ARHGAP32: variants seen among roughly 807,000 people sequenced by gnomAD.
The protein encoded by ARHGAP32 is Rho GTPase activating protein 32.
Under a neutral mutation model 186.5 loss-of-function variants are expected in ARHGAP32, and 51 were observed. The observed-to-expected ratio is 0.27, with a 90% confidence interval of 0.22 to 0.35. The LOEUF is 0.35. ARHGAP32 is among the 10% of genes least tolerant of loss of function. The pLI, the probability that ARHGAP32 is intolerant of heterozygous loss-of-function variation, is 1.00. For missense variants in ARHGAP32, 2,186 were observed against 2,623.5 expected (o/e 0.83, Z 3.64); for synonymous variants, 950 against 964.3 (o/e 0.99, Z 0.27).
At chr11:128,985,829 T>C (rs1939336) in intron 15 of ARHGAP32, 174 bp downstream of exon 15, 5,119 of 139,626 alleles carry the variant, frequency 0.037, 228 homozygotes, top group Admixed American at 0.14. Context: ...TGTGTGTGTG[T>C]GCGTGTGTGT....
intron 18 of ARHGAP32, 80 bp from the exon 19 acceptor site, chr11:128,978,995 A>G: frequency 7.7e-7 from 1 of 1,306,688 alleles, no homozygotes; most frequent in Non-Finnish European, 1.0e-6. Context: ...AACACATGAC[A>G]GAAAGAACCA....
chr11:129,064,529 T>C (rs995703831), intron 8 of ARHGAP32, among the ~76,000 whole-genome samples: 5 of 152,074 alleles, frequency 3.3e-5, no homozygotes, highest in African/African-American at 9.7e-5. Flanking sequence ...AACTGAAAAA[T>C]ATTTTCAATT....
chr11:129,023,681 A>C (rs1282830841), intron 11 of ARHGAP32, among the ~76,000 whole-genome samples: 2 of 152,214 alleles, frequency 1.3e-5, no homozygotes, highest in African/African-American at 4.8e-5. Context: ...CTTTTTGACA[A>C]ACATGACAAA....
intron 5 of ARHGAP32, among the ~76,000 whole-genome samples, chr11:129,108,222 T>C (rs1942103736): frequency 6.6e-6 from 1 of 152,080 alleles, no homozygotes; most frequent in Non-Finnish European, 1.5e-5. Flanking sequence ...AGATTAAAAA[T>C]AGACACAATC....
intron 21 of ARHGAP32, chr11:128,973,713 T>C (rs1945461828): frequency 2.0e-5 from 11 of 539,790 alleles, no homozygotes; most frequent in East Asian, 6.1e-5. Context: ...TCAGAAAAGA[T>C]TGCTTAGAAA....
chr11:129,182,630 CTA>C (rs1282104329), intron 1 of ARHGAP32, among the ~76,000 whole-genome samples: 12 of 150,746 alleles, frequency 8.0e-5, no homozygotes, highest in East Asian at 7.8e-4. Context: ...TGTTAATTCT[CTA>C]TGTTTTCTAT....
chr11:129,096,478 T>G (rs571652300), intron 5 of ARHGAP32, among the ~76,000 whole-genome samples: 8 of 152,226 alleles, frequency 5.3e-5, no homozygotes, highest in Non-Finnish European at 1.0e-4. Flanking sequence ...TGTAGTTCAT[T>G]TTGGTCAACA....
Position 128,967,571 on chromosome 11 carries a change from T to G in ARHGAP32, c.*1336A>C, listed in dbSNP as rs984768813. On this transcript the variant is annotated 3_prime_UTR_variant, in exon 23 of 23. Transcript: ENST00000682385. ...AGAGAGTTCCTACTCTAATAAGGAA[T>G]GCAACTTTCAAAACTCGTGGGTGTT... 3 of 152,210 alleles carry G rather than the reference T, an allele frequency of 2.0e-5. No individual in the cohort carries two copies. The highest frequency in any genetic ancestry group is 4.1e-4 in the South Asian group (2 of 4,836). The allele number at this position is 152,210 out of a possible 1,614,324, so 9.4% of individuals were successfully genotyped here.
chr11:129,183,405 C>G (rs1331180823), intron 1 of ARHGAP32, among the ~76,000 whole-genome samples: 1 of 152,084 alleles, frequency 6.6e-6, no homozygotes, highest in Non-Finnish European at 1.5e-5. Flanking sequence ...TTACCTTAAA[C>G]TAACATCTTT....
intron 2 of ARHGAP32, among the ~76,000 whole-genome samples, chr11:129,153,758 T>G (rs986825126): frequency 6.6e-6 from 1 of 152,200 alleles, no homozygotes; most frequent in Non-Finnish European, 1.5e-5. Flanking sequence ...GACTTAAATC[T>G]AAGACCTAAA....
intron 2 of ARHGAP32, among the ~76,000 whole-genome samples, chr11:129,157,810 A>C (rs1943442828): frequency 6.6e-6 from 1 of 152,160 alleles, no homozygotes; most frequent in Non-Finnish European, 1.5e-5. Context: ...AAAGGAAAAA[A>C]TGTTAAGGGC....
intron 5 of ARHGAP32, among the ~76,000 whole-genome samples, chr11:129,109,513 G>A (rs1367278114): frequency 6.6e-6 from 1 of 151,996 alleles, no homozygotes; most frequent in Admixed American, 6.6e-5. Context: ...GTTTTAAATA[G>A]TGCTTGTACT....
chr11:129,244,839 C>T (rs1213815568), intron 1 of ARHGAP32, among the ~76,000 whole-genome samples: 4 of 152,120 alleles, frequency 2.6e-5, no homozygotes, highest in East Asian at 3.9e-4. Context: ...CCAAAAAACA[C>T]ATGAAAAAAT....
intron 5 of ARHGAP32, among the ~76,000 whole-genome samples, chr11:129,112,206 G>A (rs1942240326): frequency 6.6e-6 from 1 of 151,612 alleles, no homozygotes; most frequent in African/African-American, 2.4e-5. Flanking sequence ...TTGCACCACT[G>A]TACTCCAGCC....
chr11:129,075,585 A>C (rs1000872576), intron 6 of ARHGAP32, among the ~76,000 whole-genome samples: 2 of 151,748 alleles, frequency 1.3e-5, no homozygotes, highest in African/African-American at 4.8e-5. Flanking sequence ...CCTATTAGAA[A>C]TGAATAGATC....
chr11:129,241,700 CAA>C (rs1156638158), intron 1 of ARHGAP32, among the ~76,000 whole-genome samples: 1 of 152,126 alleles, frequency 6.6e-6, no homozygotes, highest in Non-Finnish European at 1.5e-5. Context: ...TTAGTAAAAA[CAA>C]AGTCTATGTA....
chr11:129,030,532 CTCTTT>C (rs1939065319), intron 11 of ARHGAP32: 1 of 152,028 alleles, frequency 6.6e-6, no homozygotes, highest in African/African-American at 2.4e-5. Context: ...CCCTGTTCTA[CTCTTT>C]TCTGTCTTCT....
chr11:129,028,375 G>A (rs1484432151), intron 11 of ARHGAP32, among the ~76,000 whole-genome samples: 6 of 152,200 alleles, frequency 3.9e-5, no homozygotes, highest in African/African-American at 7.2e-5. Context: ...AAGGAAACAC[G>A]TTAGTGAAGC....
At chr11:129,172,214 G>C (rs540392130) in intron 1 of ARHGAP32, among the ~76,000 whole-genome samples, 9 of 152,112 alleles carry the variant, frequency 5.9e-5, no homozygotes, top group Non-Finnish European at 1.3e-4. Context: ...TGTTGAATAG[G>C]AGTGGTGAGA....
Sources: gnomAD v4.1 joint callset for allele counts (sites outside exome capture counted in the v4.1 genomes callset) on GRCh38, gnomAD v4.1.1 for gene constraint, MANE v1.5 for transcripts, NCBI Gene and HGNC (gene_info 2026-07-23, HGNC 2026-07-21) for gene names.